Variants in USP28 observed in about 807,000 individuals in gnomAD.
USP28 encodes ubiquitin carboxyl-terminal hydrolase 28.
A neutral mutation model predicts 145.0 loss-of-function variants in USP28; 113 were observed. That is an observed-to-expected ratio of 0.78 (90% CI 0.67 to 0.91). The LOEUF is 0.91. Among genes scored for constraint, USP28 ranks in the 40% least tolerant of loss-of-function variants. USP28 has a pLI of 0.00. For missense variants in USP28, 1,201 were observed against 1,289.6 expected (o/e 0.93, Z 1.05); for synonymous variants, 447 against 450.9 (o/e 0.99, Z 0.11).
At chr11:113,874,143 A>AG (rs1949113777) in intron 1 of USP28, among the ~76,000 whole-genome samples, 1 of 122,500 alleles carries the variant, frequency 8.2e-6, no homozygotes, top group Non-Finnish European at 1.7e-5. Flanking sequence ...TCCGTCTGGA[A>AG]AAAAAAAAAA....
At chr11:113,818,066 T>C (rs936986969) in intron 12 of USP28, 1 of 429,500 alleles carries the variant, frequency 2.3e-6, no homozygotes, top group Non-Finnish European at 4.1e-6. Context: ...ACATTTCAAA[T>C]AGGCTCCTAA....
intron 6 of USP28, 137 bp from the exon 7 acceptor site, chr11:113,833,694 T>G: frequency 1.3e-6 from 1 of 763,676 alleles, no homozygotes; most frequent in Non-Finnish European, 2.1e-6. Flanking sequence ...GGGCTATGTG[T>G]GTTACAGGGA....
At chr11:113,832,060 A>G (rs1302573686) in intron 7 of USP28, 67 bp from the exon 8 acceptor site, 4 of 1,293,702 alleles carry the variant, frequency 3.1e-6, no homozygotes, top group Non-Finnish European at 4.4e-6. Context: ...ATTTATCCTT[A>G]TCCCACCAAT....
chr11:113,817,631 C>T (rs558742080), intron 13 of USP28, 27 bp downstream of exon 13: 109 of 1,605,880 alleles, frequency 6.8e-5, no homozygotes, highest in African/African-American at 6.6e-4. Flanking sequence ...ACAATACATA[C>T]CATTAAAAAA....
chr11:113,862,981 G>C (rs1462684269), intron 1 of USP28, among the ~76,000 whole-genome samples: 1 of 152,126 alleles, frequency 6.6e-6, no homozygotes, highest in Non-Finnish European at 1.5e-5. Context: ...TCAGGAACAA[G>C]ACAAAGATGC....
chr11:113,855,659 G>C (rs1163231507), intron 1 of USP28, among the ~76,000 whole-genome samples: 1 of 152,184 alleles, frequency 6.6e-6, no homozygotes, highest in Non-Finnish European at 1.5e-5. Context: ...GCTCATGCCT[G>C]TAATCCCAGC....
intron 11 of USP28, 29 bp from the exon 12 acceptor site, chr11:113,823,729 T>C (rs777490708): frequency 6.5e-7 from 1 of 1,528,094 alleles, no homozygotes; most frequent in South Asian, 1.2e-5. Flanking sequence ...AAACACAATT[T>C]ATATTATAAA....
At chr11:113,872,527 G>A (rs1465146427) in intron 1 of USP28, among the ~76,000 whole-genome samples, 3 of 152,146 alleles carry the variant, frequency 2.0e-5, no homozygotes, top group African/African-American at 4.8e-5. Flanking sequence ...GGGGCAGAGG[G>A]GCATGAGAGT....
chr11:113,875,490 C>A, exon 1 of USP28: 1 of 1,215,320 alleles, frequency 8.2e-7, no homozygotes, highest in Non-Finnish European at 1.0e-6. Context: ...CCTGCTGCAG[C>A]TCCGCAGTCA....
At chr11:113,834,131 A>C in intron 6 of USP28, 118 bp downstream of exon 6, 1 of 671,322 alleles carries the variant, frequency 1.5e-6, no homozygotes, top group Admixed American at 3.2e-5. Context: ...AGAAATGAAA[A>C]CAAATAATTA....
rs117204990 is a variant in USP28, at chr11:113,857,859, T to C, written c.58-3524A>G. On this transcript the variant is annotated intron_variant, in intron 1 of 24. Coordinates refer to ENST00000003302, the Ensembl canonical transcript of USP28. Reference sequence around the variant, plus strand: ...ACAATCAGGAAAGGAAAATAAACTCTTTCGTTTCCTTTTTTTTTTGAGACA... The same window carrying C: ...ACAATCAGGAAAGGAAAATAAACTCCTTCGTTTCCTTTTTTTTTTGAGACA... Among the ~76,000 whole-genome samples the C allele has an allele frequency of 4.2e-3, 646 of 152,178 alleles. 3 individuals carry two copies. The highest frequency in any genetic ancestry group is 8.0e-3 in the Non-Finnish European group (545 of 67,984).
At chr11:113,826,142 G>A (rs1352150481) in intron 11 of USP28, among the ~76,000 whole-genome samples, 1 of 151,806 alleles carries the variant, frequency 6.6e-6, no homozygotes, top group African/African-American at 2.4e-5. Flanking sequence ...AATTAGCTGG[G>A]TGTGGTGGTG....
chr11:113,875,181 A>T (rs1591546466), intron 1 of USP28, among the ~76,000 whole-genome samples: 1 of 152,180 alleles, frequency 6.6e-6, no homozygotes, highest in Admixed American at 6.5e-5. Flanking sequence ...CCCCACGTCC[A>T]GCCCTTTATA....
At chr11:113,849,232 G>C (rs1259582529) in intron 3 of USP28, among the ~76,000 whole-genome samples, 1 of 152,188 alleles carries the variant, frequency 6.6e-6, no homozygotes, top group South Asian at 2.1e-4. Flanking sequence ...GGAATTGTGT[G>C]AGGAACTGCT....
At chr11:113,811,546 G>A (rs1381524070) in intron 16 of USP28, among the ~76,000 whole-genome samples, 1 of 152,062 alleles carries the variant, frequency 6.6e-6, no homozygotes, top group East Asian at 1.9e-4. Flanking sequence ...AAATCAGCTG[G>A]GCATGGTGGT....
chr11:113,828,398 G>T (rs1186901491), intron 10 of USP28, among the ~76,000 whole-genome samples: 2 of 152,198 alleles, frequency 1.3e-5, no homozygotes, highest in African/African-American at 4.8e-5. Context: ...CCTCCATTAG[G>T]AATCAGTTTT....
intron 3 of USP28, among the ~76,000 whole-genome samples, chr11:113,843,858 G>C (rs1387230449): frequency 6.6e-6 from 1 of 151,712 alleles, no homozygotes; most frequent in Non-Finnish European, 1.5e-5. Flanking sequence ...CTAAGTACTA[G>C]ACAACTCAAG....
At chr11:113,875,372 C>T (rs1949274441) in intron 1 of USP28, 73 bp downstream of exon 1, 1 of 1,128,720 alleles carries the variant, frequency 8.9e-7, no homozygotes. Context: ...AACCCGCAGC[C>T]CTGCAGGCCC....
chr11:113,824,855 C>T (rs188864753), intron 11 of USP28, among the ~76,000 whole-genome samples: 77 of 149,934 alleles, frequency 5.1e-4, no homozygotes, highest in Middle Eastern at 3.5e-3. Flanking sequence ...CATTTGAACC[C>T]GGGAGGCAGA....
Sources: gnomAD v4.1 joint callset for allele counts (sites outside exome capture counted in the v4.1 genomes callset) on GRCh38, gnomAD v4.1.1 for gene constraint, MANE v1.5 for transcripts, NCBI Gene and HGNC (gene_info 2026-07-23, HGNC 2026-07-21) for gene names.